Variants in NXPE2 observed in about 807,000 individuals in gnomAD.
The protein encoded by NXPE2 is neurexophilin and PC-esterase domain family member 2.
Under a neutral mutation model 34.4 loss-of-function variants are expected in NXPE2, and 34 were observed. That is an observed-to-expected ratio of 0.99 (90% CI 0.75 to 1.31). The LOEUF is 1.31. Ranked by LOEUF, NXPE2 falls within the 40% of genes most tolerant of loss-of-function variation. The probability of loss-of-function intolerance (pLI) is 0.00; values close to 1 mark genes in which losing one functional copy is unlikely to be tolerated. For synonymous variants in NXPE2, 235 were observed against 231.3 expected (o/e 1.02, Z -0.15); for missense variants, 649 against 672.5 (o/e 0.97, Z 0.39).
the NXPE2 span, among the ~76,000 whole-genome samples, chr11:114,641,180 T>A: frequency 6.6e-6 from 1 of 151,810 alleles, no homozygotes; most frequent in Admixed American, 6.6e-5. Context: ...TGAAGAACTC[T>A]CCCAGAAATA....
At chr11:114,688,843 T>G (rs969158808) in intron 2 of NXPE2, among the ~76,000 whole-genome samples, 13 of 152,142 alleles carry the variant, frequency 8.5e-5, no homozygotes, top group Non-Finnish European at 1.9e-4. Flanking sequence ...TTTCCAGGAA[T>G]GTACCCATTT....
At chr11:114,708,891 C>T (rs979283064), downstream of NXPE2, among the ~76,000 whole-genome samples, 1 of 152,196 alleles carries the variant, frequency 6.6e-6, no homozygotes, top group Non-Finnish European at 1.5e-5. Flanking sequence ...CAACCTGGTT[C>T]TGACATGATA....
the NXPE2 span, among the ~76,000 whole-genome samples, chr11:114,543,971 A>G: frequency 2.0e-5 from 3 of 152,196 alleles, no homozygotes; most frequent in East Asian, 1.9e-4. Context: ...TACAAAAAAG[A>G]AAACCATTTA....
At chr11:114,507,361 G>A in the NXPE2 span, among the ~76,000 whole-genome samples, 1 of 151,854 alleles carries the variant, frequency 6.6e-6, no homozygotes, top group Admixed American at 6.6e-5. Flanking sequence ...ACAAATTGAG[G>A]AGGAGGGACT....
chr11:114,701,163 A>T (rs1184993956), intron 3 of NXPE2, among the ~76,000 whole-genome samples: 2 of 152,210 alleles, frequency 1.3e-5, no homozygotes, highest in African/African-American at 4.8e-5. Context: ...AAGGAAAAAT[A>T]ATCATGGAGA....
chr11:114,626,366 C>T, the NXPE2 span, among the ~76,000 whole-genome samples: 1 of 152,310 alleles, frequency 6.6e-6, no homozygotes, highest in African/African-American at 2.4e-5. Context: ...GGGTCCCTGA[C>T]CCCTGACCCC....
the NXPE2 span, among the ~76,000 whole-genome samples, chr11:114,476,809 G>A: frequency 2.6e-5 from 4 of 152,142 alleles, no homozygotes; most frequent in Non-Finnish European, 4.4e-5. Flanking sequence ...ATGAGATTTG[G>A]GTGGGGACAC....
chr11:114,576,975 TTA>T, the NXPE2 span, among the ~76,000 whole-genome samples: 23,656 of 127,846 alleles, frequency 0.19, 2,729 homozygotes, highest in African/African-American at 0.32. Context: ...AAGAAGATGT[TTA>T]TATATATATA....
chr11:114,686,048 G>A (rs1422513177), intron 2 of NXPE2, among the ~76,000 whole-genome samples: 1 of 151,874 alleles, frequency 6.6e-6, no homozygotes, highest in Non-Finnish European at 1.5e-5. Flanking sequence ...TTTGCAAGAT[G>A]TTACCATTGA....
chr11:114,628,841 T>C, the NXPE2 span, among the ~76,000 whole-genome samples: 1 of 151,518 alleles, frequency 6.6e-6, no homozygotes, highest in Admixed American at 6.6e-5. Context: ...AAAGGGGATA[T>C]CACCACCGAT....
the NXPE2 span, among the ~76,000 whole-genome samples, chr11:114,481,118 G>T: frequency 3.9e-5 from 6 of 152,182 alleles, no homozygotes; most frequent in African/African-American, 1.4e-4. Flanking sequence ...TAACCCTCAG[G>T]ACCAGGTCAG....
At chr11:114,502,499 A>G in the NXPE2 span, among the ~76,000 whole-genome samples, 3 of 152,172 alleles carry the variant, frequency 2.0e-5, no homozygotes, top group African/African-American at 7.2e-5. Context: ...AATTTATAAG[A>G]TTAGGGACTT....
chr11:114,667,180 T>C, the NXPE2 span, among the ~76,000 whole-genome samples: 1 of 152,106 alleles, frequency 6.6e-6, no homozygotes, highest in East Asian at 1.9e-4. Flanking sequence ...TGACAGAGAG[T>C]GACAAAACTG....
At chr11:114,525,378 TAAAAAG>T in the NXPE2 span, among the ~76,000 whole-genome samples, 9 of 151,984 alleles carry the variant, frequency 5.9e-5, no homozygotes, top group Middle Eastern at 6.8e-3. Flanking sequence ...GCAGAAGATA[TAAAAAG>T]AAAAACAAGT....
chr11:114,509,924 T>C, the NXPE2 span, among the ~76,000 whole-genome samples: 1 of 152,090 alleles, frequency 6.6e-6, no homozygotes, highest in East Asian at 1.9e-4. Context: ...GAACTTAAAA[T>C]GAAAGTTAAA....
rs530106448 is a variant in NXPE2 at position 114,705,506 on chromosome 11, G to A, written c.929-275G>A. ...CTCTGGCTGGCTGTTCCACAGCAGC[G>A]TGGCTCTGGGGACAAGGTGGAGCCC... On this transcript the variant is annotated intron_variant, in intron 4 of 5. Transcript: ENST00000389586. Among the ~76,000 whole-genome samples the A allele has an allele frequency of 3.6e-4, 55 of 152,326 alleles. No homozygotes were observed. In the South Asian group the frequency reaches 9.3e-3, roughly 26 times the overall value.
At chr11:114,571,319 C>T in the NXPE2 span, 1 of 1,613,890 alleles carries the variant, frequency 6.2e-7, no homozygotes, top group South Asian at 1.1e-5. Context: ...TGTCAATGGC[C>T]CGGGTGAGGT....
At chr11:114,549,743 G>A in the NXPE2 span, among the ~76,000 whole-genome samples, 1 of 151,936 alleles carries the variant, frequency 6.6e-6, no homozygotes, top group Non-Finnish European at 1.5e-5. Context: ...AGTTAGAGAA[G>A]AGAAAGCAAT....
the NXPE2 span, among the ~76,000 whole-genome samples, chr11:114,661,996 G>T: frequency 6.6e-6 from 1 of 152,052 alleles, no homozygotes; most frequent in Non-Finnish European, 1.5e-5. Context: ...AGAATAGAAG[G>T]CTCCACCAAT....
Sources: gnomAD v4.1 joint callset for allele counts (sites outside exome capture counted in the v4.1 genomes callset) on GRCh38, gnomAD v4.1.1 for gene constraint, MANE v1.5 for transcripts, NCBI Gene and HGNC (gene_info 2026-07-23, HGNC 2026-07-21) for gene names.